Variants in ATG7 observed in about 807,000 individuals in gnomAD.
ATG7 encodes the protein autophagy related 7.
Under a neutral mutation model 82.4 loss-of-function variants are expected in ATG7, and 70 were observed. The ratio of observed to expected loss-of-function variants is 0.85; its 90% CI spans 0.70 to 1.04. The LOEUF (loss-of-function observed/expected upper bound fraction) is 1.04, where lower values mean the gene tolerates loss of function less well. Ranked by LOEUF, ATG7 falls within the 50% of genes least tolerant of loss-of-function variation. The pLI, the probability that ATG7 is intolerant of heterozygous loss-of-function variation, is 0.00. For missense variants in ATG7, 792 were observed against 864.3 expected (o/e 0.92, Z 1.05); for synonymous variants, 287 against 313.0 (o/e 0.92, Z 0.88).
At chr3:11,294,883 G>A (rs1945609506) in intron 3 of ATG7, among the ~76,000 whole-genome samples, 1 of 152,166 alleles carries the variant, frequency 6.6e-6, no homozygotes, top group Admixed American at 6.5e-5. Context: ...AGGAGGCCTG[G>A]GTGGGCAGAT....
intron 19 of ATG7, among the ~76,000 whole-genome samples, chr3:11,381,919 A>G (rs2077932261): frequency 1.3e-5 from 2 of 152,226 alleles, no homozygotes; most frequent in African/African-American, 4.8e-5. Context: ...CAAACCCAAC[A>G]TTAATACTTT....
At chr3:11,341,753 G>A (rs779263147) in intron 12 of ATG7, among the ~76,000 whole-genome samples, 3 of 152,100 alleles carry the variant, frequency 2.0e-5, no homozygotes, top group East Asian at 1.9e-4. Flanking sequence ...TGGCCTGAGC[G>A]CAGGAGATAT....
At chr3:11,340,604 C>T (rs778438381) in intron 11 of ATG7, 41 bp from the exon 12 acceptor site, 213 of 1,555,040 alleles carry the variant, frequency 1.4e-4, no homozygotes, top group Admixed American at 5.9e-4. Context: ...TGTTTTTATT[C>T]TTCCCTCCTT....
chr3:11,294,923 G>T (rs1945614963), intron 3 of ATG7, among the ~76,000 whole-genome samples: 1 of 152,144 alleles, frequency 6.6e-6, no homozygotes, highest in South Asian at 2.1e-4. Context: ...GACCAGCCTG[G>T]CCAACATAGT....
At chr3:11,557,862 G>A (rs1056994), downstream of ATG7, 3 of 152,220 alleles carry the variant, frequency 2.0e-5, no homozygotes, top group African/African-American at 4.9e-5. Context: ...GCAAGCACCT[G>A]AAATCTAGAG....
chr3:11,417,797 ATTATT>A (rs2081496815), intron 19 of ATG7, among the ~76,000 whole-genome samples: 1 of 43,146 alleles, frequency 2.3e-5, no homozygotes. Flanking sequence ...TATTATTATT[ATTATT>A]TTATTTTATT....
At chr3:11,280,426 A>C (rs1409284228) in intron 1 of ATG7, among the ~76,000 whole-genome samples, 1 of 152,190 alleles carries the variant, frequency 6.6e-6, no homozygotes, top group East Asian at 1.9e-4. Context: ...GACTTGTCCA[A>C]GGTGGTGTGG....
chr3:11,554,365 C>G (rs997354866), intron 20 of ATG7, among the ~76,000 whole-genome samples: 9 of 152,096 alleles, frequency 5.9e-5, no homozygotes, highest in African/African-American at 2.2e-4. Flanking sequence ...GGAGCAGGTG[C>G]CCAGGGTGCA....
intron 9 of ATG7, among the ~76,000 whole-genome samples, chr3:11,326,819 T>A (rs1950950839): frequency 6.6e-6 from 1 of 152,062 alleles, no homozygotes; most frequent in African/African-American, 2.4e-5. Context: ...GGACTGGAAA[T>A]CTTGTTCTCA....
At chr3:11,409,585 A>G (rs1576190040) in intron 19 of ATG7, among the ~76,000 whole-genome samples, 1 of 152,202 alleles carries the variant, frequency 6.6e-6, no homozygotes, top group African/African-American at 2.4e-5. Context: ...GTTGATGAGC[A>G]TCTGTTTTTC....
chr3:11,496,979 G>A (rs998119195), intron 20 of ATG7, among the ~76,000 whole-genome samples: 1 of 151,762 alleles, frequency 6.6e-6, no homozygotes, highest in Non-Finnish European at 1.5e-5. Flanking sequence ...AGCCTCCTGA[G>A]GAGCTGGGAT....
chr3:11,440,681 T>TTC (rs1207133833), intron 20 of ATG7, among the ~76,000 whole-genome samples: 2 of 111,456 alleles, frequency 1.8e-5, no homozygotes, highest in African/African-American at 7.0e-5. Context: ...TTGCTTTTTT[T>TTC]TTTTTTTTTT....
chr3:11,515,881 G>A (rs571693173), intron 20 of ATG7, among the ~76,000 whole-genome samples: 1 of 152,198 alleles, frequency 6.6e-6, no homozygotes, highest in Admixed American at 6.5e-5. Flanking sequence ...GTGCTGTGGG[G>A]CTTGAAGCCA....
intron 8 of ATG7, among the ~76,000 whole-genome samples, chr3:11,314,429 A>G (rs1477527341): frequency 2.1e-5 from 3 of 142,840 alleles, no homozygotes. Flanking sequence ...TGTTGTTCGT[A>G]CAAATCCGAG....
chr3:11,396,542 C>T (rs1009662082), intron 19 of ATG7, among the ~76,000 whole-genome samples: 8 of 151,650 alleles, frequency 5.3e-5, no homozygotes, highest in African/African-American at 1.2e-4. Context: ...AATTTAAGGC[C>T]GAGGTGGGCG....
chr3:11,517,296 G>A (rs1243299397), intron 20 of ATG7, among the ~76,000 whole-genome samples: 13 of 150,710 alleles, frequency 8.6e-5, no homozygotes, highest in Admixed American at 2.6e-4. Flanking sequence ...AGTCGAGATC[G>A]CATCACTGCA....
chr3:11,430,112 A>C (rs984246026), intron 20 of ATG7, among the ~76,000 whole-genome samples: 4 of 152,102 alleles, frequency 2.6e-5, no homozygotes, highest in Admixed American at 6.6e-5. Context: ...TTAGTAGGTG[A>C]CCCTTAATAG....
chr3:11,468,163 G>T (rs904101321), intron 20 of ATG7, among the ~76,000 whole-genome samples: 1 of 152,226 alleles, frequency 6.6e-6, no homozygotes, highest in African/African-American at 2.4e-5. Flanking sequence ...TTGAGGTATG[G>T]CTGGACACAG....
At chr3:11,432,930 T>C (rs1018325057) in intron 20 of ATG7, among the ~76,000 whole-genome samples, 1 of 152,124 alleles carries the variant, frequency 6.6e-6, no homozygotes, top group African/African-American at 2.4e-5. Flanking sequence ...GAAATGGCCT[T>C]AAAGCTGATG....
Sources: allele counts gnomAD v4.1 joint callset (sites outside exome capture counted in the v4.1 genomes callset), GRCh38; gene constraint gnomAD v4.1.1; transcripts MANE v1.5; gene names NCBI Gene and HGNC (gene_info 2026-07-23, HGNC 2026-07-21).